The following DOCK2 variants were observed in gnomAD, a reference collection of about 807,000 sequenced individuals.
The protein encoded by DOCK2 is dedicator of cytokinesis 2.
A neutral mutation model predicts 248.9 loss-of-function variants in DOCK2; 87 were observed. That is an observed-to-expected ratio of 0.35 (90% confidence interval 0.29 to 0.42). The LOEUF is 0.42. Among genes scored for constraint, DOCK2 ranks in the 10% least tolerant of loss-of-function variants. The pLI, the probability that DOCK2 is intolerant of heterozygous loss-of-function variation, is 1.00. For synonymous variants in DOCK2, 805 were observed against 821.6 expected (o/e 0.98, Z 0.35); for missense variants, 1,747 against 2,300.2 (o/e 0.76, Z 4.92).
intron 50 of DOCK2, chr5:170,080,539 A>G: frequency 2.1e-6 from 1 of 478,320 alleles, no homozygotes; most frequent in South Asian, 3.3e-5. Flanking sequence ...GGATTCACTG[A>G]GCATCCATTT....
chr5:169,674,251 A>G (rs1561587889), intron 5 of DOCK2, 46 bp from the exon 6 acceptor site: 1 of 1,604,998 alleles, frequency 6.2e-7, no homozygotes, highest in Non-Finnish European at 8.5e-7. Context: ...ATAGATGGTC[A>G]TGCCCCTTTA....
At chr5:169,668,275 C>T (rs980093181) in intron 2 of DOCK2, among the ~76,000 whole-genome samples, 2 of 152,162 alleles carry the variant, frequency 1.3e-5, no homozygotes, top group African/African-American at 4.8e-5. Context: ...TTTCTTCCTT[C>T]TGTTTTTCCT....
chr5:169,703,134 T>C (rs368764805), intron 14 of DOCK2, among the ~76,000 whole-genome samples: 2 of 152,126 alleles, frequency 1.3e-5, no homozygotes, highest in South Asian at 4.1e-4. Context: ...AGTAGTTAGC[T>C]GAAAAGAAAA....
At chr5:169,737,481 A>G (rs1207249803) in intron 22 of DOCK2, among the ~76,000 whole-genome samples, 2 of 152,130 alleles carry the variant, frequency 1.3e-5, no homozygotes, top group African/African-American at 4.8e-5. Context: ...AATCCTTAGA[A>G]TCTCCAAAAA....
intron 2 of DOCK2, among the ~76,000 whole-genome samples, chr5:169,667,890 C>T (rs1471519476): frequency 6.6e-6 from 1 of 152,224 alleles, no homozygotes; most frequent in Non-Finnish European, 1.5e-5. Context: ...TGTGATGCTT[C>T]ATGAAGTAGA....
intron 5 of DOCK2, among the ~76,000 whole-genome samples, chr5:169,673,547 G>A (rs953139052): frequency 1.3e-5 from 2 of 151,922 alleles, no homozygotes; most frequent in African/African-American, 4.8e-5. Context: ...TAGAGACAGG[G>A]TCTTGCTCTG....
intron 26 of DOCK2, among the ~76,000 whole-genome samples, chr5:169,820,747 C>T (rs750130135): frequency 6.6e-6 from 1 of 152,132 alleles, no homozygotes; most frequent in Non-Finnish European, 1.5e-5. Context: ...TCCTCACCAG[C>T]AAAGGAACAA....
chr5:169,737,305 G>A (rs1763088616), intron 22 of DOCK2, among the ~76,000 whole-genome samples: 2 of 152,116 alleles, frequency 1.3e-5, no homozygotes, highest in Non-Finnish European at 2.9e-5. Flanking sequence ...GTGACCAAGG[G>A]ATAGAATGAC....
At chr5:170,081,754 TC>T in intron 50 of DOCK2, 87 bp from the exon 51 acceptor site, 1 of 1,298,728 alleles carries the variant, frequency 7.7e-7, no homozygotes. Flanking sequence ...GCTGGCTCTG[TC>T]CCCCAGCCCT....
intron 25 of DOCK2, among the ~76,000 whole-genome samples, chr5:169,784,149 C>G (rs1765864332): frequency 6.6e-6 from 1 of 151,482 alleles, no homozygotes. Context: ...CTCAACACAA[C>G]AGTTTCAAAA....
chr5:170,070,738 T>C (rs957729820), intron 46 of DOCK2, among the ~76,000 whole-genome samples: 6 of 152,194 alleles, frequency 3.9e-5, no homozygotes, highest in Admixed American at 6.5e-5. Flanking sequence ...ACAATTGCCC[T>C]GGTCCTCTCC....
intron 23 of DOCK2, among the ~76,000 whole-genome samples, chr5:169,749,215 G>C (rs1763773464): frequency 6.6e-6 from 1 of 152,188 alleles, no homozygotes; most frequent in Admixed American, 6.5e-5. Context: ...AAATCCCTGA[G>C]GCTAAATTTG....
intron 22 of DOCK2, among the ~76,000 whole-genome samples, chr5:169,724,867 G>A (rs1762394673): frequency 6.6e-6 from 1 of 150,848 alleles, no homozygotes; most frequent in Non-Finnish European, 1.5e-5. Flanking sequence ...TTGCATAGTA[G>A]TTTACCCTCT....
At chr5:170,006,190 A>C (rs1165747461) in intron 30 of DOCK2, among the ~76,000 whole-genome samples, 1 of 152,244 alleles carries the variant, frequency 6.6e-6, no homozygotes, top group Non-Finnish European at 1.5e-5. Flanking sequence ...GGATGTGGAC[A>C]GGAGACCCAA....
At chr5:169,801,146 G>GGTT (rs1561709040) in intron 25 of DOCK2, among the ~76,000 whole-genome samples, 2 of 76,076 alleles carry the variant, frequency 2.6e-5, no homozygotes, top group Admixed American at 2.2e-4. Flanking sequence ...ATAGTTTTGG[G>GGTT]TTTTTTTTTT....
At chr5:169,689,877 CAT>C (rs533595823) in intron 9 of DOCK2, among the ~76,000 whole-genome samples, 12 of 152,182 alleles carry the variant, frequency 7.9e-5, no homozygotes, top group Non-Finnish European at 1.5e-4. Flanking sequence ...CTGAGCAAGA[CAT>C]GTACGTAGAA....
chr5:169,791,571 G>A (rs186020362), intron 25 of DOCK2, among the ~76,000 whole-genome samples: 2 of 152,278 alleles, frequency 1.3e-5, no homozygotes, highest in Admixed American at 6.5e-5. Context: ...AAACTCAGAG[G>A]GTGGCTGCCT....
chr5:169,960,917 T>C (rs1469074857), intron 27 of DOCK2, among the ~76,000 whole-genome samples: 1 of 152,178 alleles, frequency 6.6e-6, no homozygotes, highest in African/African-American at 2.4e-5. Flanking sequence ...AATCATAGTA[T>C]ATATAGGGTT....
At chr5:169,937,666 A>C (rs1172404815) in intron 27 of DOCK2, among the ~76,000 whole-genome samples, 2 of 152,228 alleles carry the variant, frequency 1.3e-5, no homozygotes, top group Admixed American at 6.5e-5. Context: ...AAATGGATAA[A>C]GAGTATTTAT....
Sources: gnomAD v4.1 joint callset for allele counts (sites outside exome capture counted in the v4.1 genomes callset) on GRCh38, gnomAD v4.1.1 for gene constraint, MANE v1.5 for transcripts, NCBI Gene and HGNC (gene_info 2026-07-23, HGNC 2026-07-21) for gene names.